Variants in MAF observed in about 807,000 individuals in gnomAD.
The protein encoded by MAF is transcription factor Maf.
A neutral mutation model predicts 22.0 loss-of-function variants in MAF; 10 were observed. The observed-to-expected ratio is 0.45, with a 90% CI of 0.28 to 0.77. The LOEUF (loss-of-function observed/expected upper bound fraction) is 0.77, where lower values mean the gene tolerates loss of function less well. Among genes scored for constraint, MAF ranks in the 30% least tolerant of loss-of-function variants. The probability of loss-of-function intolerance (pLI) is 0.12; values close to 1 mark genes in which losing one functional copy is unlikely to be tolerated. For missense variants in MAF, 544 were observed against 548.4 expected (o/e 0.99, Z 0.08); for synonymous variants, 337 against 255.8 (o/e 1.32, Z -3.03).
chr16:79,288,294 G>T, the MAF span, among the ~76,000 whole-genome samples: 3 of 152,214 alleles, frequency 2.0e-5, no homozygotes, highest in South Asian at 6.2e-4. Context: ...TCACACCATC[G>T]CCATTTCTGA....
At chr16:79,529,167 T>C in the MAF span, among the ~76,000 whole-genome samples, 195 of 152,286 alleles carry the variant, frequency 1.3e-3, no homozygotes, top group African/African-American at 4.4e-3. Flanking sequence ...AATTACACAC[T>C]GGAACTCATG....
the MAF span, among the ~76,000 whole-genome samples, chr16:79,390,436 A>G: frequency 6.6e-6 from 1 of 152,134 alleles, no homozygotes; most frequent in African/African-American, 2.4e-5. Flanking sequence ...GGTTATTAAC[A>G]TGTCTCTCTC....
the MAF span, among the ~76,000 whole-genome samples, chr16:79,564,270 G>C: frequency 6.6e-6 from 1 of 152,220 alleles, no homozygotes; most frequent in Non-Finnish European, 1.5e-5. Context: ...CCTAGGAAGT[G>C]TGCCTGCCTT....
chr16:79,311,842 G>A, the MAF span, among the ~76,000 whole-genome samples: 6 of 152,140 alleles, frequency 3.9e-5, no homozygotes, highest in African/African-American at 7.2e-5. Flanking sequence ...CATGAAGGAC[G>A]GAGTGAACGC....
the MAF span, among the ~76,000 whole-genome samples, chr16:79,384,321 T>G: frequency 1.3e-5 from 2 of 151,956 alleles, no homozygotes; most frequent in Admixed American, 1.3e-4. Context: ...GGTGGACACC[T>G]GTAATCCCAA....
chr16:79,502,082 T>C, the MAF span, among the ~76,000 whole-genome samples: 1 of 152,216 alleles, frequency 6.6e-6, no homozygotes, highest in East Asian at 1.9e-4. Context: ...CTGCAATTTT[T>C]AACTTCAGTG....
chr16:79,420,845 C>A, the MAF span, among the ~76,000 whole-genome samples: 1 of 152,158 alleles, frequency 6.6e-6, no homozygotes. Flanking sequence ...GCCTGTCCAA[C>A]GTGGAGAAAC....
At chr16:79,402,913 G>T in the MAF span, among the ~76,000 whole-genome samples, 1 of 152,190 alleles carries the variant, frequency 6.6e-6, no homozygotes, top group Non-Finnish European at 1.5e-5. Flanking sequence ...CATGAATGGG[G>T]TTGAGCTGGG....
chr16:79,548,810 G>GTGTCT, the MAF span, among the ~76,000 whole-genome samples: 16 of 152,126 alleles, frequency 1.1e-4, no homozygotes, highest in Non-Finnish European at 2.4e-4. Flanking sequence ...CAGAGAGAGT[G>GTGTCT]GCAGACACAC....
At chr16:79,571,776 G>T in the MAF span, among the ~76,000 whole-genome samples, 1 of 151,986 alleles carries the variant, frequency 6.6e-6, no homozygotes, top group African/African-American at 2.4e-5. Flanking sequence ...GATTCACGAA[G>T]GAGCTCCAAC....
the MAF span, chr16:79,211,809 G>A: frequency 6.2e-7 from 1 of 1,613,978 alleles, no homozygotes; most frequent in East Asian, 2.2e-5. Flanking sequence ...GGAGCTCAGA[G>A]CGGATGGGCA....
At chr16:79,361,555 C>T in the MAF span, among the ~76,000 whole-genome samples, 1 of 152,314 alleles carries the variant, frequency 6.6e-6, no homozygotes, top group East Asian at 1.9e-4. Flanking sequence ...AGCCGGCTGC[C>T]TGGGAACATT....
the MAF span, among the ~76,000 whole-genome samples, chr16:79,454,451 A>G: frequency 6.6e-6 from 1 of 152,212 alleles, no homozygotes; most frequent in African/African-American, 2.4e-5. Context: ...CACAGACACC[A>G]TTCCATCCAA....
At chr16:79,458,374 T>A in the MAF span, among the ~76,000 whole-genome samples, 1 of 152,208 alleles carries the variant, frequency 6.6e-6, no homozygotes, top group African/African-American at 2.4e-5. Context: ...AACAGAAGAC[T>A]ACTTTGCCAA....
the MAF span, among the ~76,000 whole-genome samples, chr16:79,413,099 A>C: frequency 2.6e-5 from 4 of 151,706 alleles, no homozygotes; most frequent in African/African-American, 9.7e-5. Context: ...TTTCTCATAA[A>C]CTCATACATA....
At chr16:79,495,089 A>T in the MAF span, among the ~76,000 whole-genome samples, 4 of 152,114 alleles carry the variant, frequency 2.6e-5, no homozygotes, top group Admixed American at 2.0e-4. Context: ...AGTTCTCTAA[A>T]CCAGGTAGTT....
the MAF span, among the ~76,000 whole-genome samples, chr16:79,330,521 CA>C: frequency 2.0e-5 from 3 of 152,150 alleles, no homozygotes; most frequent in African/African-American, 7.2e-5. Flanking sequence ...AAGTTAAATC[CA>C]AAGGGCTTAG....
chr16:79,557,193 G>A, the MAF span, among the ~76,000 whole-genome samples: 1 of 147,870 alleles, frequency 6.8e-6, no homozygotes, highest in African/African-American at 2.5e-5. Context: ...TCCATTGCTA[G>A]TGCCAGCTAC....
At chr16:79,304,177 G>A in the MAF span, among the ~76,000 whole-genome samples, 1 of 152,152 alleles carries the variant, frequency 6.6e-6, no homozygotes, top group African/African-American at 2.4e-5. Context: ...CAGCCCACTG[G>A]GGAGCAATCC....
Sources: gnomAD v4.1 joint callset for allele counts (sites outside exome capture counted in the v4.1 genomes callset) on GRCh38, gnomAD v4.1.1 for gene constraint, MANE v1.5 for transcripts, NCBI Gene and HGNC (gene_info 2026-07-23, HGNC 2026-07-21) for gene names.